The following ARHGAP32 variants were observed in gnomAD, a reference collection of about 807,000 sequenced individuals.
ARHGAP32 encodes rho GTPase-activating protein 32.
In ARHGAP32, 51 loss-of-function variants were observed where a neutral mutation model predicts 186.5. The ratio of observed to expected loss-of-function variants is 0.27; its 90% CI spans 0.22 to 0.35. ARHGAP32 has a LOEUF of 0.35. ARHGAP32 is among the 10% of genes least tolerant of loss of function. The pLI, the probability that ARHGAP32 is intolerant of heterozygous loss-of-function variation, is 1.00. For synonymous variants in ARHGAP32, 950 were observed against 964.3 expected (o/e 0.99, Z 0.27); for missense variants, 2,186 against 2,623.5 (o/e 0.83, Z 3.64).
chr11:129,014,483 A>G (rs1938236469), intron 11 of ARHGAP32, among the ~76,000 whole-genome samples: 1 of 152,230 alleles, frequency 6.6e-6, no homozygotes, highest in African/African-American at 2.4e-5. Flanking sequence ...CTGACTTAAG[A>G]TAAATCTGGG....
At chr11:129,260,714 T>C (rs915845150) in intron 1 of ARHGAP32, among the ~76,000 whole-genome samples, 3 of 152,214 alleles carry the variant, frequency 2.0e-5, no homozygotes, top group African/African-American at 7.2e-5. Context: ...CCTACTACTT[T>C]CTTGCGCTAA....
chr11:129,263,590 GAGA>G (rs941874373), intron 1 of ARHGAP32, among the ~76,000 whole-genome samples: 3 of 136,652 alleles, frequency 2.2e-5, no homozygotes, highest in African/African-American at 5.3e-5. Flanking sequence ...GGAAGAGGAG[GAGA>G]AGGAGGAGGA....
intron 1 of ARHGAP32, among the ~76,000 whole-genome samples, chr11:129,225,571 C>A (rs1290814876): frequency 7.1e-6 from 1 of 141,172 alleles, no homozygotes; most frequent in South Asian, 2.3e-4. Flanking sequence ...ACAAACTTTA[C>A]AGATTACAGA....
chr11:129,195,419 T>G (rs1234724147), upstream of ARHGAP32, among the ~76,000 whole-genome samples: 1 of 152,226 alleles, frequency 6.6e-6, no homozygotes, highest in East Asian at 1.9e-4. Flanking sequence ...CACAGAATAC[T>G]GAAGGACAGT....
intron 2 of ARHGAP32, among the ~76,000 whole-genome samples, chr11:129,134,075 T>C (rs1203673171): frequency 6.6e-6 from 1 of 151,978 alleles, no homozygotes; most frequent in Non-Finnish European, 1.5e-5. Context: ...GTTTAGTAAA[T>C]TGGAACCAAG....
intron 11 of ARHGAP32, among the ~76,000 whole-genome samples, chr11:129,019,019 T>A (rs917637646): frequency 6.6e-6 from 1 of 152,174 alleles, no homozygotes; most frequent in African/African-American, 2.4e-5. Context: ...GTTTTTCCAG[T>A]TTTACAAAAA....
chr11:129,015,254 C>G (rs1287077604), intron 11 of ARHGAP32, among the ~76,000 whole-genome samples: 19 of 152,140 alleles, frequency 1.2e-4, no homozygotes, highest in Non-Finnish European at 2.6e-4. Context: ...TTAGGATACA[C>G]TAACTGGAAA....
chr11:129,066,708 T>C (rs200525527), intron 7 of ARHGAP32, 23 bp downstream of exon 7: 7 of 1,608,348 alleles, frequency 4.4e-6, no homozygotes, highest in Admixed American at 1.7e-5. Flanking sequence ...ATTACCTCTG[T>C]ACTAAATGTA....
intron 11 of ARHGAP32, among the ~76,000 whole-genome samples, chr11:129,031,600 C>A (rs1265727479): frequency 6.6e-6 from 1 of 152,188 alleles, no homozygotes. Flanking sequence ...AGATTACAAT[C>A]TATTTCTTCA....
At chr11:129,073,234 C>T (rs955293658) in intron 6 of ARHGAP32, among the ~76,000 whole-genome samples, 1 of 152,064 alleles carries the variant, frequency 6.6e-6, no homozygotes, top group African/African-American at 2.4e-5. Flanking sequence ...AGGAAAAAAA[C>T]ACCGTTTAAA....
At chr11:129,276,521 G>A (rs946219808) in intron 1 of ARHGAP32, among the ~76,000 whole-genome samples, 4 of 152,044 alleles carry the variant, frequency 2.6e-5, no homozygotes, top group Non-Finnish European at 5.9e-5. Flanking sequence ...TGCCCAGACT[G>A]GTCTCAAACT....
chr11:129,244,824 TG>T (rs1395004283), intron 1 of ARHGAP32, among the ~76,000 whole-genome samples: 5 of 152,086 alleles, frequency 3.3e-5, no homozygotes, highest in African/African-American at 1.2e-4. Flanking sequence ...AAGACATTTA[TG>T]CAGCCAAAAA....
chr11:129,120,301 G>C (rs1327829003), intron 5 of ARHGAP32, among the ~76,000 whole-genome samples: 1 of 152,082 alleles, frequency 6.6e-6, no homozygotes, highest in East Asian at 1.9e-4. Context: ...TATTTACCAA[G>C]ATGGGAAGTC....
chr11:128,986,301 G>A (rs1945871024), intron 14 of ARHGAP32, among the ~76,000 whole-genome samples: 1 of 152,212 alleles, frequency 6.6e-6, no homozygotes, highest in Non-Finnish European at 1.5e-5. Context: ...ATGGTCATCA[G>A]TATTAAGTGT....
At chr11:129,271,057 A>T (rs760885395) in intron 1 of ARHGAP32, among the ~76,000 whole-genome samples, 3 of 152,186 alleles carry the variant, frequency 2.0e-5, no homozygotes, top group Admixed American at 6.5e-5. Context: ...GACCAAAATG[A>T]AGGGTTTATT....
intron 11 of ARHGAP32, among the ~76,000 whole-genome samples, chr11:129,006,503 T>C (rs1405940984): frequency 2.6e-5 from 4 of 152,236 alleles, no homozygotes; most frequent in Admixed American, 2.0e-4. Context: ...CTTGGTGGTC[T>C]TCGATAAGAT....
intron 6 of ARHGAP32, among the ~76,000 whole-genome samples, chr11:129,072,658 T>C (rs1940906909): frequency 6.6e-6 from 1 of 152,140 alleles, no homozygotes; most frequent in Non-Finnish European, 1.5e-5. Flanking sequence ...GTAGGAAAAC[T>C]TAATCTATAA....
intron 7 of ARHGAP32, among the ~76,000 whole-genome samples, chr11:129,065,147 T>G (rs982297431): frequency 2.6e-5 from 4 of 152,142 alleles, no homozygotes; most frequent in Non-Finnish European, 5.9e-5. Flanking sequence ...TAGCCCCTTA[T>G]CATCAGCGAT....
At chr11:129,065,027 A>C in intron 7 of ARHGAP32, 94 bp from the exon 8 acceptor site, 1 of 982,754 alleles carries the variant, frequency 1.0e-6, no homozygotes, top group South Asian at 1.5e-5. Flanking sequence ...AAATCTATAG[A>C]TCTTTAGGCA....
Sources: allele counts gnomAD v4.1 joint callset (sites outside exome capture counted in the v4.1 genomes callset), GRCh38; gene constraint gnomAD v4.1.1; transcripts MANE v1.5; gene names NCBI Gene and HGNC (gene_info 2026-07-23, HGNC 2026-07-21).